The following SH3RF3 variants were observed in gnomAD, a reference collection of about 807,000 sequenced individuals.
SH3RF3 encodes E3 ubiquitin-protein ligase SH3RF3.
In SH3RF3, 29 loss-of-function variants were observed where a neutral mutation model predicts 66.3. That is an observed-to-expected ratio of 0.44 (90% CI 0.33 to 0.60). SH3RF3 has a LOEUF of 0.60. Among genes scored for constraint, SH3RF3 ranks in the 20% least tolerant of loss-of-function variants. The pLI, the probability that SH3RF3 is intolerant of heterozygous loss-of-function variation, is 0.04. For synonymous variants in SH3RF3, 583 were observed against 532.0 expected (o/e 1.10, Z -1.32); for missense variants, 1,194 against 1,190.9 (o/e 1.00, Z -0.04).
chr2:109,438,460 A>G (rs897099833), intron 7 of SH3RF3, among the ~76,000 whole-genome samples: 3 of 152,214 alleles, frequency 2.0e-5, no homozygotes, highest in Non-Finnish European at 2.9e-5. Flanking sequence ...ATTTAGCACT[A>G]GGAAAGCTTC....
chr2:109,140,000 A>G (rs1676908277), intron 1 of SH3RF3, among the ~76,000 whole-genome samples: 1 of 152,202 alleles, frequency 6.6e-6, no homozygotes, highest in South Asian at 2.1e-4. Context: ...TTTATTGATC[A>G]GAGGTAGTGA....
chr2:109,413,944 G>A (rs1559070518), intron 4 of SH3RF3, among the ~76,000 whole-genome samples: 1 of 152,232 alleles, frequency 6.6e-6, no homozygotes, highest in Non-Finnish European at 1.5e-5. Flanking sequence ...CCCAGGAAGC[G>A]CCTGTGCATG....
chr2:109,397,756 G>A (rs552932305), intron 3 of SH3RF3, among the ~76,000 whole-genome samples: 11 of 152,188 alleles, frequency 7.2e-5, no homozygotes, highest in South Asian at 4.1e-4. Flanking sequence ...AGGTGATGCC[G>A]CAGCCCTGAG....
intron 1 of SH3RF3, among the ~76,000 whole-genome samples, chr2:109,152,009 TATTTA>T (rs1677234872): frequency 6.6e-6 from 1 of 152,248 alleles, no homozygotes; most frequent in Non-Finnish European, 1.5e-5. Context: ...CCCAGCTGAT[TATTTA>T]AATTTCCCAA....
chr2:109,370,969 AT>A (rs775686335), intron 2 of SH3RF3, among the ~76,000 whole-genome samples: 9 of 152,192 alleles, frequency 5.9e-5, no homozygotes, highest in Non-Finnish European at 1.0e-4. Context: ...AGCTGAATTT[AT>A]TTTTATTCCA....
intron 1 of SH3RF3, among the ~76,000 whole-genome samples, chr2:109,237,372 C>A (rs1679673654): frequency 6.6e-6 from 1 of 152,042 alleles, no homozygotes; most frequent in Non-Finnish European, 1.5e-5. Flanking sequence ...TCTCAGCTTT[C>A]AAAGTAACAA....
chr2:109,259,693 A>C (rs954923182), intron 1 of SH3RF3, among the ~76,000 whole-genome samples: 1 of 152,232 alleles, frequency 6.6e-6, no homozygotes, highest in Non-Finnish European at 1.5e-5. Flanking sequence ...CGGCCTACGG[A>C]AGAAGAATTT....
intron 1 of SH3RF3, among the ~76,000 whole-genome samples, chr2:109,256,456 G>A (rs1410422973): frequency 2.6e-5 from 4 of 151,304 alleles, no homozygotes; most frequent in East Asian, 1.9e-4. Context: ...ACAGGGAGAC[G>A]AGTGCTCTCT....
chr2:109,365,660 G>A (rs1023380524), intron 2 of SH3RF3, among the ~76,000 whole-genome samples: 1 of 152,158 alleles, frequency 6.6e-6, no homozygotes, highest in African/African-American at 2.4e-5. Flanking sequence ...TACTGTGGCG[G>A]TTGTATTTAA....
intron 2 of SH3RF3, among the ~76,000 whole-genome samples, chr2:109,368,807 T>C (rs893085723): frequency 3.3e-5 from 5 of 152,300 alleles, no homozygotes; most frequent in African/African-American, 1.2e-4. Context: ...AAATTAAATT[T>C]CTATCTTGTG....
intron 9 of SH3RF3, among the ~76,000 whole-genome samples, chr2:109,501,201 G>A (rs1679375328): frequency 6.6e-6 from 1 of 152,168 alleles, no homozygotes; most frequent in African/African-American, 2.4e-5. Context: ...GGGCAGGAGC[G>A]TGGATATGAG....
intron 1 of SH3RF3, among the ~76,000 whole-genome samples, chr2:109,273,320 G>A (rs936552322): frequency 6.6e-6 from 1 of 152,228 alleles, no homozygotes; most frequent in South Asian, 2.1e-4. Flanking sequence ...GTCTTCCTGA[G>A]CTTGTCTGGA....
intron 1 of SH3RF3, among the ~76,000 whole-genome samples, chr2:109,243,382 G>A (rs1255849597): frequency 6.6e-6 from 1 of 152,212 alleles, no homozygotes; most frequent in East Asian, 1.9e-4. Flanking sequence ...TATTCCCGGG[G>A]CACATGCTGG....
chr2:109,416,721 C>T (rs923565969), intron 4 of SH3RF3, among the ~76,000 whole-genome samples: 4 of 151,816 alleles, frequency 2.6e-5, no homozygotes, highest in Admixed American at 1.3e-4. Context: ...CAGAGCAAGA[C>T]TCTGTCTCAA....
intron 1 of SH3RF3, among the ~76,000 whole-genome samples, chr2:109,188,781 T>G (rs1013141327): frequency 6.6e-6 from 1 of 152,162 alleles, no homozygotes; most frequent in East Asian, 1.9e-4. Context: ...CGTTACACTT[T>G]GGTTATTTAT....
chr2:109,458,601 A>AGAGAGAGAGAGAGAGAGT (rs1553524376), intron 8 of SH3RF3, among the ~76,000 whole-genome samples: 1 of 148,956 alleles, frequency 6.7e-6, no homozygotes, highest in Non-Finnish European at 1.5e-5. Context: ...AGAGAGAGAG[A>AGAGAGAGAGAGAGAGAGT]ATTTATTTAT....
rs143488760 is a variant in SH3RF3, at chr2:109,225,243, C to T, written c.573+95130C>T. Among the ~76,000 whole-genome samples, 522 of 152,272 alleles carry T rather than the reference C, an allele frequency of 3.4e-3. 4 individuals are homozygous for T. Among genetic ancestry groups the T allele is most frequent in the African/African-American group, 0.012 (491 of 41,566 alleles). On this transcript the variant is annotated intron_variant, in intron 1 of 9. Coordinates refer to ENST00000309415, the MANE Select transcript of SH3RF3 (RefSeq NM_001099289.3). ...GATATGAAGAGCTCTATTTTAATAA[C>T]GATAATAATAAAGAAGGCTTATTAA...
At chr2:109,248,645 A>G (rs1478905154) in intron 1 of SH3RF3, among the ~76,000 whole-genome samples, 2 of 152,150 alleles carry the variant, frequency 1.3e-5, no homozygotes, top group Non-Finnish European at 2.9e-5. Flanking sequence ...AGTGCAAGCA[A>G]ATAATTAGTA....
intron 1 of SH3RF3, among the ~76,000 whole-genome samples, chr2:109,340,095 G>C (rs1682526050): frequency 6.6e-6 from 1 of 152,168 alleles, no homozygotes; most frequent in South Asian, 2.1e-4. Context: ...AGTGTCTGGT[G>C]GGGAGTAGCA....
Sources: gnomAD v4.1 joint callset for allele counts (sites outside exome capture counted in the v4.1 genomes callset) on GRCh38, gnomAD v4.1.1 for gene constraint, MANE v1.5 for transcripts, NCBI Gene and HGNC (gene_info 2026-07-23, HGNC 2026-07-21) for gene names.